SPATA46: variants seen among roughly 807,000 people sequenced by gnomAD.
SPATA46 encodes spermatogenesis associated 46, also known as spermatogenesis-associated protein 46.
A neutral mutation model predicts 6.2 loss-of-function variants in SPATA46; 3 were observed. That is an observed-to-expected ratio of 0.48 (90% CI 0.22 to 1.25). The LOEUF (loss-of-function observed/expected upper bound fraction) is 1.25, where lower values mean the gene tolerates loss of function less well. Ranked by LOEUF, SPATA46 falls within the 50% of genes most tolerant of loss-of-function variation. The pLI is 0.20. For missense variants in SPATA46, 308 were observed against 323.5 expected, an observed-to-expected ratio of 0.95 and a Z score of 0.37; for synonymous variants, 117 against 123.3, an observed-to-expected ratio of 0.95 and a Z score of 0.34.
At chr1:162,374,993 C>T (rs888941384) in intron 2 of SPATA46, among the ~76,000 whole-genome samples, 8 of 152,138 alleles carry the variant, frequency 5.3e-5, no homozygotes, top group South Asian at 2.1e-4. Context: ...TCCCTCTTTT[C>T]GCCACCCATG....
Position 162,374,055 on chromosome 1 carries a change from C to T in SPATA46, c.779G>A (p.Cys260Tyr). ...AACTTTATTGGCATCTCTCTAGAGA[C>T]ATAAGTAGGCTTCACCGCCAATTTG... ...LRQIGGEAYL[C>Y]L The change falls in exon 3 of 3, where the codon TGT becomes TAT. Residue 260 changes from cysteine (C) to tyrosine (Y), a missense_variant. By Grantham distance (194) the Cys-to-Tyr change is radical (BLOSUM62 -2). Coordinates refer to ENST00000367935, the MANE Select transcript of SPATA46 (RefSeq NM_182581.4). The T allele has an allele frequency of 6.2e-7, 1 of 1,603,518 alleles. No individual in the cohort carries two copies. The highest frequency in any genetic ancestry group is 8.5e-7 in the Non-Finnish European group (1 of 1,174,570).
In SPATA46 at chr1:162,374,970, C is replaced by T. The variant is rs181693757; in HGVS notation, c.217+320G>A. Among the ~76,000 whole-genome samples the T allele has an allele frequency of 2.0e-4, 30 of 152,302 alleles. No homozygotes were observed. The East Asian group carries it at 3.3e-3, about 17-fold the overall frequency. ...GTGACCCAGCGGATAGCCAAACCGG[C>T]GGCCTCCCACAGTCCCTCTTTTCGC... On this transcript the variant is annotated intron_variant, in intron 2 of 2. Transcript: ENST00000367935.
At chr1:162,374,740 G>T in intron 2 of SPATA46, 124 bp from the exon 3 acceptor site, 1 of 955,476 alleles carries the variant, frequency 1.0e-6, no homozygotes, top group Non-Finnish European at 1.5e-6. Context: ...CACCACGATT[G>T]CAGTTCTGAG....
chr1:162,375,467 C>A (rs1478590114), intron 1 of SPATA46, 64 bp from the exon 2 acceptor site: 9 of 1,298,976 alleles, frequency 6.9e-6, no homozygotes, highest in African/African-American at 1.5e-5. Context: ...TGGGACTCCC[C>A]CAGGCATACC....
At position 162,374,417 on chromosome 1, in the gene SPATA46, A is replaced by G; in HGVS notation, c.417T>C (p.Cys139=). 1.2e-6 allele frequency: 2 copies of G among 1,614,216 alleles called. No homozygotes were observed. The highest frequency in any genetic ancestry group is 1.7e-5 in the Admixed American group (1 of 60,026). ...TGTTCTCTGGGGAGGAAGAGGACGA[A>G]CAGATGTTCTCAGCCATGTCCTCAG... ...CLSEDMAENI[C]SSSSSPENTC... The change falls in exon 3 of 3, where the codon TGT becomes TGC. Residue 139 remains cysteine (C), a synonymous_variant. Transcript: ENST00000367935.
At chr1:162,375,725 A>T (rs1370208363) in intron 1 of SPATA46, among the ~76,000 whole-genome samples, 2 of 152,154 alleles carry the variant, frequency 1.3e-5, no homozygotes, top group Non-Finnish European at 1.5e-5. Context: ...TTCACTCCGC[A>T]TTGCCAGTCT....
chr1:162,375,655 A>G (rs1292652400), intron 1 of SPATA46, among the ~76,000 whole-genome samples: 1 of 152,086 alleles, frequency 6.6e-6, no homozygotes, highest in African/African-American at 2.4e-5. Flanking sequence ...AGCCCAGATG[A>G]CACCTCTCCG....
chr1:162,375,185 C>G (rs962528620), intron 2 of SPATA46, 105 bp downstream of exon 2: 1 of 973,954 alleles, frequency 1.0e-6, no homozygotes. Context: ...GACAAGACCG[C>G]GCATGGGGGT....
intron 1 of SPATA46, chr1:162,376,388 C>A: frequency 3.3e-6 from 1 of 298,932 alleles, no homozygotes; most frequent in East Asian, 8.1e-5. Flanking sequence ...ATCACTTGAA[C>A]CCAGGAGGCA....
At chr1:162,376,199 C>T (rs761979836) in intron 1 of SPATA46, among the ~76,000 whole-genome samples, 2 of 152,200 alleles carry the variant, frequency 1.3e-5, no homozygotes, top group Non-Finnish European at 2.9e-5. Context: ...CCATGATGTG[C>T]TCATCAGTTT....
Position 162,374,256 on chromosome 1 carries a change from G to A in SPATA46, c.578C>T (p.Pro193Leu), listed in dbSNP as rs779416378. ...YKCVACCRMY[P>L]TLDFLKSHIK... is the part of the protein sequence containing the mutation. ...GTGGCTCTTGAGGAAGTCCAGGGTG[G>A]GGTACATGCGGCAGCAGGCCACGCA... Residue 193 changes from proline (P) to leucine (L), a missense_variant, in exon 3 of 3, where the codon CCC becomes CTC. Coordinates refer to ENST00000367935, the MANE Select transcript of SPATA46 (RefSeq NM_182581.4). 1 of 1,613,976 alleles carries A rather than the reference G, an allele frequency of 6.2e-7. No individual in the cohort carries two copies. The highest frequency in any genetic ancestry group is 8.5e-7 in the Non-Finnish European group (1 of 1,179,870).
chr1:162,375,375 C>G lies in SPATA46; in HGVS notation c.132G>C (p.Glu44Asp), dbSNP rs369475209. Residue 44 changes from glutamate to aspartate, a missense_variant, in exon 2 of 3, where the codon GAG becomes GAC. Physicochemically the swap from Glu to Asp is conservative, Grantham distance 45. Coordinates refer to ENST00000367935, the MANE Select transcript of SPATA46 (RefSeq NM_182581.4). ...PDIAKTAVPT[E>D]ASSPAQALPP... ...GCAGGGCCTGAGCTGGGCTGGATGCCTCAGTGGGTACTGCTGTCTTTGCAA... is the reference window on the plus strand; with the variant it reads ...GCAGGGCCTGAGCTGGGCTGGATGCGTCAGTGGGTACTGCTGTCTTTGCAA... 125 of 1,614,016 alleles carry G rather than the reference C, an allele frequency of 7.7e-5. No homozygotes were observed. The highest frequency in any genetic ancestry group is 9.6e-5 in the Non-Finnish European group (113 of 1,180,016).
chr1:162,376,702 G>A lies in SPATA46; in HGVS notation c.89C>T (p.Ala30Val). 1 of 1,614,030 alleles carries A rather than the reference G, an allele frequency of 6.2e-7. No homozygotes were observed. The highest frequency in any genetic ancestry group is 8.5e-7 in the Non-Finnish European group (1 of 1,179,960). ...SAFPDIMFSR[A>V]TSLPDIAKTA... Reference sequence around the variant, plus strand: ...CCAAAGTTTACCTGGCAGGCTGGTGGCACGAGAGAACATAATGTCGGGAAA... The same window carrying A: ...CCAAAGTTTACCTGGCAGGCTGGTGACACGAGAGAACATAATGTCGGGAAA... Residue 30 changes from alanine (A) to valine (V), a missense_variant, in exon 1 of 3, where the codon GCC becomes GTC. Ala to Val is a moderately conservative substitution (Grantham distance 64). Transcript: ENST00000367935.
At position 162,374,385 on chromosome 1, in the gene SPATA46, G is replaced by A. The variant is rs773072702; in HGVS notation, c.449C>T (p.Pro150Leu). ...CCTGGATTTCTTGGTGGCTTCTCGA[G>A]GGCAAGTGTTCTCTGGGGAGGAAGA... ...SSSSSPENTC[P>L]REATKKSRHG... The change falls in exon 3 of 3, where the codon CCT becomes CTT. Residue 150 changes from proline (P) to leucine (L), a missense_variant. Transcript: ENST00000367935. 6.2e-7 allele frequency: 1 copy of A among 1,614,226 alleles called. No homozygotes were observed. The highest frequency in any genetic ancestry group is 8.5e-7 in the Non-Finnish European group (1 of 1,180,030).
intron 1 of SPATA46, chr1:162,376,483 T>G: frequency 1.9e-6 from 1 of 521,018 alleles, no homozygotes; most frequent in Non-Finnish European, 3.3e-6. Flanking sequence ...AAAAAAAAAG[T>G]TTTCCCCTTT....
chr1:162,375,590 G>A (rs1436919138), intron 1 of SPATA46, among the ~76,000 whole-genome samples, 187 bp from the exon 2 acceptor site: 1 of 152,086 alleles, frequency 6.6e-6, no homozygotes, highest in African/African-American at 2.4e-5. Flanking sequence ...ATTCTGAATG[G>A]GGCCATTTCA....
Position 162,374,011 on chromosome 1 carries a change from TGGACA to T in SPATA46, c.*32_*36del. On this transcript the variant is annotated 3_prime_UTR_variant, in exon 3 of 3. Transcript: ENST00000367935. The stretch of plus-strand genomic sequence containing the variant: ...CAGGCTGTGCGGGGTGACCTCAGAC[TGGACA>T]GAAGGCTGTGACTAACTTTATTGGC... 1 of 1,549,310 alleles carries T rather than the reference TGGACA, an allele frequency of 6.5e-7. No homozygotes were observed. The highest frequency in any genetic ancestry group is 8.7e-7 in the Non-Finnish European group (1 of 1,145,044).
intron 1 of SPATA46, 94 bp from the exon 2 acceptor site, chr1:162,375,497 C>T: frequency 1.1e-6 from 1 of 936,702 alleles, no homozygotes; most frequent in Non-Finnish European, 1.7e-6. Context: ...AACCTCTGTA[C>T]TTCAAGGCAT....
rs942743291 is a variant in SPATA46 at position 162,373,340 on chromosome 1, C to T, written c.*708G>A. 1.3e-5 allele frequency: 2 copies of T among 152,102 alleles called. No homozygotes were observed. The highest frequency in any genetic ancestry group is 4.8e-5 in the African/African-American group (2 of 41,404). The allele number at this position is 152,102 out of a possible 1,614,324, so 9.4% of individuals were successfully genotyped here. On this transcript the variant is annotated 3_prime_UTR_variant, in exon 3 of 3. Transcript: ENST00000367935. ...ACTTGGTAACAGGAAGCAATAGGTT[C>T]CCATGTTTACCTGCCTATTTTCACC...
Sources: gnomAD v4.1 joint callset for allele counts (sites outside exome capture counted in the v4.1 genomes callset) on GRCh38, gnomAD v4.1.1 for gene constraint, MANE v1.5 for transcripts, NCBI Gene and HGNC (gene_info 2026-07-23, HGNC 2026-07-21) for gene names.